Variants in PLA2G4C observed in about 807,000 individuals in gnomAD.
PLA2G4C encodes the protein cytosolic phospholipase A2 gamma.
A neutral mutation model predicts 73.8 loss-of-function variants in PLA2G4C; 64 were observed. The ratio of observed to expected loss-of-function variants is 0.87; its 90% CI spans 0.71 to 1.07. The LOEUF is 1.07. Among genes scored for constraint, PLA2G4C ranks in the 50% least tolerant of loss-of-function variants. The pLI, the probability that PLA2G4C is intolerant of heterozygous loss-of-function variation, is 0.00. For synonymous variants in PLA2G4C, 254 were observed against 252.1 expected, an observed-to-expected ratio of 1.01 and a Z score of -0.07; for missense variants, 622 against 665.4, an observed-to-expected ratio of 0.93 and a Z score of 0.72.
chr19:48,107,943 G>A (rs566605888), intron 1 of PLA2G4C, among the ~76,000 whole-genome samples: 12 of 152,144 alleles, frequency 7.9e-5, no homozygotes, highest in Non-Finnish European at 1.3e-4. Flanking sequence ...CAGTGGACAC[G>A]TGACTCACAT....
At chr19:48,077,521 A>G (rs1195108864) in intron 11 of PLA2G4C, among the ~76,000 whole-genome samples, 1 of 152,168 alleles carries the variant, frequency 6.6e-6, no homozygotes, top group East Asian at 1.9e-4. Flanking sequence ...CATACTGCCA[A>G]AAGCAATCTA....
intron 16 of PLA2G4C, among the ~76,000 whole-genome samples, chr19:48,052,537 C>T (rs1420698473): frequency 6.6e-6 from 1 of 152,054 alleles, no homozygotes; most frequent in Non-Finnish European, 1.5e-5. Context: ...CCTGTTAAGC[C>T]TTCGGAACTG....
chr19:48,095,724 G>A (rs911479664), intron 6 of PLA2G4C, 120 bp from the exon 7 acceptor site: 88 of 1,049,228 alleles, frequency 8.4e-5, no homozygotes, highest in Middle Eastern at 4.3e-4. Flanking sequence ...TGTTAGAGAT[G>A]GACTGTGTGG....
intron 11 of PLA2G4C, 102 bp downstream of exon 11, chr19:48,077,669 C>T: frequency 1.2e-6 from 1 of 848,270 alleles, no homozygotes; most frequent in Non-Finnish European, 1.8e-6. Flanking sequence ...AAAGGAGCAC[C>T]ACATGAATCA....
intron 7 of PLA2G4C, among the ~76,000 whole-genome samples, chr19:48,093,359 A>T (rs2031407470): frequency 6.6e-6 from 1 of 152,098 alleles, no homozygotes; most frequent in Non-Finnish European, 1.5e-5. Context: ...TCCCATATCC[A>T]TTCTGGTACC....
intron 13 of PLA2G4C, among the ~76,000 whole-genome samples, chr19:48,064,354 G>A (rs920964538): frequency 1.3e-5 from 2 of 151,710 alleles, no homozygotes; most frequent in African/African-American, 2.4e-5. Context: ...GCTTGAACCC[G>A]GGAGGCGGAG....
At position 48,110,758 on chromosome 19, in the gene PLA2G4C, GCCTTTAAACAGCC is replaced by G. The variant is rs1195395753; in HGVS notation, c.-317_-305del. 2.4e-6 allele frequency: 1 copy of G among 422,978 alleles called. No individual in the cohort carries two copies. Among genetic ancestry groups the G allele is most frequent in the Admixed American group, 4.4e-5 (1 of 22,588 alleles). The allele number at this position is 422,978 out of a possible 1,614,324, so 26.2% of individuals were successfully genotyped here. On this transcript the variant is annotated 5_prime_UTR_variant, in exon 1 of 17. Coordinates refer to ENST00000599921, the MANE Select transcript of PLA2G4C (RefSeq NM_003706.3). ...AACCTGGAGGTAAAATGGCCCCTGC[GCCTTTAAACAGCC>G]CTCCTCGGCTTGTAGGCCCTGCTTG...
chr19:48,091,342 C>T (rs988685492), intron 7 of PLA2G4C, among the ~76,000 whole-genome samples: 4 of 152,038 alleles, frequency 2.6e-5, no homozygotes, highest in African/African-American at 7.2e-5. Flanking sequence ...TGCACCACCA[C>T]GCCCTGCTAA....
At chr19:48,104,323 C>A (rs780150879) in intron 4 of PLA2G4C, 14 of 380,174 alleles carry the variant, frequency 3.7e-5, no homozygotes, top group Non-Finnish European at 4.8e-5. Flanking sequence ...TATTGCCAGT[C>A]GGTCAGAAGC....
chr19:48,105,646 A>C (rs1048013318), intron 2 of PLA2G4C, among the ~76,000 whole-genome samples: 2 of 152,086 alleles, frequency 1.3e-5, no homozygotes, highest in Admixed American at 6.6e-5. Flanking sequence ...AATGCCAGTC[A>C]ATTATTCACT....
At chr19:48,081,916 A>G (rs1027597739) in intron 10 of PLA2G4C, among the ~76,000 whole-genome samples, 5 of 151,804 alleles carry the variant, frequency 3.3e-5, no homozygotes, top group Admixed American at 1.3e-4. Flanking sequence ...CCTCATCTCT[A>G]CTAAAAATAT....
intron 15 of PLA2G4C, 40 bp downstream of exon 15, chr19:48,054,838 A>C (rs1003857910): frequency 6.4e-7 from 1 of 1,574,290 alleles, no homozygotes; most frequent in Non-Finnish European, 8.7e-7. Flanking sequence ...AGCATGGACT[A>C]ATACAGGTGG....
intron 5 of PLA2G4C, 71 bp from the exon 6 acceptor site, chr19:48,098,330 G>A: frequency 2.1e-6 from 3 of 1,416,456 alleles, no homozygotes; most frequent in Non-Finnish European, 9.3e-7. Flanking sequence ...TCTGCACGTA[G>A]GCCACATTTT....
At chr19:48,048,899 T>A (rs1421247939) in intron 16 of PLA2G4C, among the ~76,000 whole-genome samples, 3 of 152,182 alleles carry the variant, frequency 2.0e-5, no homozygotes, top group African/African-American at 4.8e-5. Flanking sequence ...TGGGAGTGGA[T>A]CCTTCATGAA....
Position 48,095,542 on chromosome 19 carries a change from T to C in PLA2G4C, c.631A>G (p.Ile211Val). The C allele has an allele frequency of 1.2e-6, 2 of 1,614,042 alleles. No homozygotes were observed. The highest frequency in any genetic ancestry group is 1.7e-6 in the Non-Finnish European group (2 of 1,179,954). The change falls in exon 7 of 17, where the codon ATA (isoleucine) becomes GTA (valine). Residue 211 changes from isoleucine to valine, a missense_variant. Transcript: ENST00000599921. ...TTGAATTTGCTTCCGAAGTGGGTTATGGAAACAAAGGCCCCCAGTGCAGAG... is the reference window on the plus strand; with the variant it reads ...TTGAATTTGCTTCCGAAGTGGGTTACGGAAACAAAGGCCCCCAGTGCAGAG... ...GFSALGAFVS[I>V]THFGSKFKKG... is the part of the protein sequence containing the mutation.
chr19:48,048,565 C>T (rs184667950), intron 16 of PLA2G4C, among the ~76,000 whole-genome samples, 177 bp from the exon 17 acceptor site: 1 of 152,326 alleles, frequency 6.6e-6, no homozygotes, highest in East Asian at 1.9e-4. Context: ...TCCTGTGGAG[C>T]TCTTGTGATC....
intron 1 of PLA2G4C, among the ~76,000 whole-genome samples, chr19:48,108,552 T>C (rs2032340685): frequency 6.6e-6 from 1 of 152,188 alleles, no homozygotes; most frequent in African/African-American, 2.4e-5. Flanking sequence ...AAAAGGAAGC[T>C]AAGGGATGGC....
chr19:48,053,181 T>C (rs1296777684), intron 15 of PLA2G4C, 34 bp from the exon 16 acceptor site: 1 of 1,512,572 alleles, frequency 6.6e-7, no homozygotes. Context: ...AGAAAAGGCA[T>C]CATGAGTTTG....
rs1171271257 is a variant in PLA2G4C, at chr19:48,057,483, C to CT, written c.1258-2435dup. 6.7e-4 allele frequency among the ~76,000 whole-genome samples: 12 copies of CT among 17,922 alleles called. 1 individual carries two copies. Among genetic ancestry groups the CT allele is most frequent in the African/African-American group, 1.5e-3 (9 of 6,196 alleles). 11.8% of individuals were successfully genotyped at this position (17,922 alleles called of 152,430 possible). On this transcript the variant is annotated intron_variant, in intron 14 of 16. Coordinates refer to ENST00000599921, the MANE Select transcript of PLA2G4C (RefSeq NM_003706.3). ...TCTTCTTCTTCTTCTTCTTCTTCTTCTTTTTTTTTTTTTTTTTTTTTTTTT... is the reference window on the plus strand; with the variant it reads ...TCTTCTTCTTCTTCTTCTTCTTCTTCTTTTTTTTTTTTTTTTTTTTTTTTTT...
Sources: allele counts gnomAD v4.1 joint callset (sites outside exome capture counted in the v4.1 genomes callset), GRCh38; gene constraint gnomAD v4.1.1; transcripts MANE v1.5; gene names NCBI Gene and HGNC (gene_info 2026-07-23, HGNC 2026-07-21).